COL11A1: variants seen among roughly 807,000 people sequenced by gnomAD.
COL11A1 encodes the protein collagen type XI alpha 1 chain.
Under a neutral mutation model 265.2 loss-of-function variants are expected in COL11A1, and 74 were observed. That is an observed-to-expected ratio of 0.28 (90% CI 0.23 to 0.34). The LOEUF (loss-of-function observed/expected upper bound fraction) is 0.34, where lower values mean the gene tolerates loss of function less well. Among genes scored for constraint, COL11A1 ranks in the 10% least tolerant of loss-of-function variants. The pLI, the probability that COL11A1 is intolerant of heterozygous loss-of-function variation, is 1.00. For missense variants in COL11A1, 2,165 were observed against 2,263.6 expected (o/e 0.96, Z 0.88); for synonymous variants, 816 against 727.6 (o/e 1.12, Z -1.96).
intron 57 of COL11A1, among the ~76,000 whole-genome samples, chr1:102,897,718 A>G: frequency 6.6e-6 from 1 of 152,244 alleles, no homozygotes; most frequent in African/African-American, 2.4e-5. Context: ...TTCAGCCTGT[A>G]TGACTCACGA....
intron 4 of COL11A1, among the ~76,000 whole-genome samples, chr1:103,048,970 G>T (rs1669550810): frequency 6.6e-6 from 1 of 152,090 alleles, no homozygotes; most frequent in Non-Finnish European, 1.5e-5. Flanking sequence ...GAGACAGTTT[G>T]GTATAATTTC....
intron 47 of COL11A1, among the ~76,000 whole-genome samples, chr1:102,922,185 C>T (rs946276807): frequency 3.3e-5 from 5 of 152,152 alleles, no homozygotes; most frequent in African/African-American, 1.2e-4. Context: ...TTGTTTTTCA[C>T]TGTACATTAG....
chr1:102,920,373 T>C lies in COL11A1; in HGVS notation c.3709-9A>G, dbSNP rs752303860. On this transcript the variant is annotated splice_polypyrimidine_tract_variant and intron_variant, in intron 48 of 66. Transcript: ENST00000370096. ...GGGGGTCCTTGTGGTCCCTGCAGTG[T>C]AGAAAAAGGAATGTAATTATCCATA... The C allele has an allele frequency of 6.2e-7, 1 of 1,611,434 alleles. No homozygotes were observed.
intron 26 of COL11A1, 98 bp downstream of exon 26, chr1:102,996,982 T>C: frequency 2.0e-6 from 2 of 978,542 alleles, no homozygotes; most frequent in Non-Finnish European, 1.6e-6. Flanking sequence ...CCAAAATAAC[T>C]ATATGAACGT....
At chr1:102,899,586 AT>A (rs1172568096) in intron 54 of COL11A1, among the ~76,000 whole-genome samples, 1 of 152,166 alleles carries the variant, frequency 6.6e-6, no homozygotes, top group African/African-American at 2.4e-5. Context: ...TAGAAGTAAA[AT>A]TGAAAAAAAA....
At chr1:103,005,587 T>C (rs893138578) in intron 18 of COL11A1, among the ~76,000 whole-genome samples, 7 of 152,260 alleles carry the variant, frequency 4.6e-5, no homozygotes, top group East Asian at 1.9e-4. Flanking sequence ...TCCAGGTAAA[T>C]GTATATAAAG....
intron 31 of COL11A1, 145 bp downstream of exon 31, chr1:102,983,993 G>A (rs534276850): frequency 4.7e-5 from 28 of 590,830 alleles, no homozygotes; most frequent in South Asian, 7.3e-5. Flanking sequence ...CACTCCAGGC[G>A]TCCACACACT....
intron 41 of COL11A1, among the ~76,000 whole-genome samples, chr1:102,948,332 G>A (rs950798181): frequency 2.0e-5 from 3 of 151,948 alleles, no homozygotes; most frequent in Admixed American, 6.6e-5. Flanking sequence ...GAAGTTAACC[G>A]TCCTTCCTGT....
chr1:103,039,261 C>T (rs1480239652), intron 4 of COL11A1, among the ~76,000 whole-genome samples: 1 of 152,040 alleles, frequency 6.6e-6, no homozygotes, highest in Non-Finnish European at 1.5e-5. Context: ...TATGACAGTC[C>T]GTACTTCTTT....
At chr1:103,057,414 A>T (rs1373595057) in intron 4 of COL11A1, among the ~76,000 whole-genome samples, 1 of 152,150 alleles carries the variant, frequency 6.6e-6, no homozygotes, top group Non-Finnish European at 1.5e-5. Flanking sequence ...TGACATCTTG[A>T]ATGCTTCAAA....
In COL11A1 at chr1:102,965,141, A is replaced by G. The variant is rs556484509; in HGVS notation, c.2916+346T>C. Among the ~76,000 whole-genome samples, 192 of 152,314 alleles carry G rather than the reference A, an allele frequency of 1.3e-3. 1 individual carries two copies. The highest frequency in any genetic ancestry group is 0.01 in the Middle Eastern group (3 of 294). ...AAGTCATTTTATAATTTAAAATTCT[A>G]GAAAAAGATAATGGCCCACCTATTT... On this transcript the variant is annotated intron_variant, in intron 38 of 66. Transcript: ENST00000370096.
chr1:102,888,440 T>G (rs565869760), intron 62 of COL11A1, 137 bp downstream of exon 62: 3 of 770,610 alleles, frequency 3.9e-6, no homozygotes, highest in Non-Finnish European at 6.7e-6. Flanking sequence ...TTTGATTACT[T>G]AAATGATATA....
chr1:102,951,472 C>T (rs924947199), intron 41 of COL11A1, among the ~76,000 whole-genome samples: 20 of 152,030 alleles, frequency 1.3e-4, no homozygotes, highest in East Asian at 1.9e-4. Flanking sequence ...CCAAGGCGGG[C>T]GGATCACGAG....
intron 57 of COL11A1, among the ~76,000 whole-genome samples, chr1:102,897,276 A>G (rs1384847144): frequency 1.3e-5 from 2 of 151,948 alleles, no homozygotes; most frequent in Non-Finnish European, 2.9e-5. Flanking sequence ...TAATATATTT[A>G]TGATAAAAGG....
At chr1:102,915,604 C>T in intron 50 of COL11A1, 27 bp downstream of exon 50, 1 of 1,599,490 alleles carries the variant, frequency 6.3e-7, no homozygotes, top group Non-Finnish European at 8.6e-7. Context: ...CAATAATACA[C>T]TATGTTAACA....
intron 4 of COL11A1, among the ~76,000 whole-genome samples, chr1:103,068,756 T>TA (rs1448389766): frequency 1.3e-5 from 2 of 151,224 alleles, no homozygotes; most frequent in African/African-American, 2.4e-5. Context: ...AAGGTTAATA[T>TA]AAAAAATCGT....
At chr1:103,106,982 C>T (rs1674742885) in intron 1 of COL11A1, among the ~76,000 whole-genome samples, 1 of 152,186 alleles carries the variant, frequency 6.6e-6, no homozygotes, top group South Asian at 2.1e-4. Context: ...CAGCTTCTTT[C>T]TGCACTCCTC....
chr1:102,910,865 T>C lies in COL11A1; in HGVS notation c.4086+1294A>G, dbSNP rs540046904. 4.8e-4 allele frequency among the ~76,000 whole-genome samples: 73 copies of C among 151,436 alleles called. 2 individuals are homozygous for C. The South Asian group carries it at 0.015, about 30-fold the overall frequency. On this transcript the variant is annotated intron_variant, in intron 54 of 66. Transcript: ENST00000370096. ...CCACATTATATAGCATCCCACCATC[T>C]GAGGCCAGAAAAAAGATAAAAAAAA...
At chr1:103,009,744 C>T (rs1356534602) in intron 14 of COL11A1, among the ~76,000 whole-genome samples, 1 of 152,054 alleles carries the variant, frequency 6.6e-6, no homozygotes, top group Non-Finnish European at 1.5e-5. Flanking sequence ...TTTATAGTCT[C>T]CTGGTGACTC....
Sources: gnomAD v4.1 joint callset for allele counts (sites outside exome capture counted in the v4.1 genomes callset) on GRCh38, gnomAD v4.1.1 for gene constraint, MANE v1.5 for transcripts, NCBI Gene and HGNC (gene_info 2026-07-23, HGNC 2026-07-21) for gene names.